KCNH7: variants seen among roughly 807,000 people sequenced by gnomAD.
KCNH7 encodes potassium voltage-gated channel subfamily H member 7.
A neutral mutation model predicts 120.8 loss-of-function variants in KCNH7; 49 were observed. The ratio of observed to expected loss-of-function variants is 0.41; its 90% CI spans 0.32 to 0.51. The LOEUF (loss-of-function observed/expected upper bound fraction) is 0.51. KCNH7 is among the 20% of genes least tolerant of loss of function. The probability of loss-of-function intolerance (pLI) is 0.38; values close to 1 mark genes in which losing one functional copy is unlikely to be tolerated. For synonymous variants in KCNH7, 547 were observed against 516.1 expected, an observed-to-expected ratio of 1.06 and a Z score of -0.81; for missense variants, 1,097 against 1,446.6, an observed-to-expected ratio of 0.76 and a Z score of 3.92.
intron 8 of KCNH7, among the ~76,000 whole-genome samples, chr2:162,431,104 C>T (rs927863339): frequency 2.6e-5 from 4 of 151,980 alleles, no homozygotes; most frequent in African/African-American, 9.7e-5. Context: ...ATATAACAAT[C>T]TATATGCATT....
At chr2:162,449,880 A>T (rs1276516625) in intron 6 of KCNH7, among the ~76,000 whole-genome samples, 1 of 152,242 alleles carries the variant, frequency 6.6e-6, no homozygotes, top group Non-Finnish European at 1.5e-5. Flanking sequence ...AAATGAAAAC[A>T]CTTGAAAATA....
At chr2:162,581,398 A>C (rs189686681) in intron 2 of KCNH7, among the ~76,000 whole-genome samples, 167 of 152,226 alleles carry the variant, frequency 1.1e-3, no homozygotes, top group African/African-American at 3.6e-3. Context: ...TGAATGGCTA[A>C]ACAATACAAC....
At chr2:162,717,654 T>A (rs1687175515) in intron 2 of KCNH7, among the ~76,000 whole-genome samples, 1 of 152,098 alleles carries the variant, frequency 6.6e-6, no homozygotes, top group Non-Finnish European at 1.5e-5. Flanking sequence ...TTCTTTTGCT[T>A]AATTTTTCCC....
intron 1 of KCNH7, 125 bp downstream of exon 1, chr2:162,838,318 G>T (rs1685732798): frequency 1.4e-6 from 1 of 703,736 alleles, no homozygotes; most frequent in African/African-American, 1.8e-5. Flanking sequence ...CTCCTGGCTC[G>T]GTTTCACAGC....
chr2:162,635,799 T>C (rs1288603237), intron 2 of KCNH7, among the ~76,000 whole-genome samples: 1 of 152,096 alleles, frequency 6.6e-6, no homozygotes, highest in Non-Finnish European at 1.5e-5. Context: ...TTTTAACTTA[T>C]GAGAAGCTGC....
intron 2 of KCNH7, among the ~76,000 whole-genome samples, chr2:162,733,746 A>G (rs924883810): frequency 6.6e-6 from 1 of 152,230 alleles, no homozygotes; most frequent in African/African-American, 2.4e-5. Flanking sequence ...CTGCCTAAAA[A>G]GAAGGAGCAT....
In KCNH7 at chr2:162,517,855, G is replaced by A. The variant is rs955753302; in HGVS notation, c.767C>T (p.Ser256Phe). The A allele has an allele frequency of 6.2e-7, 1 of 1,612,262 alleles. No individual in the cohort carries two copies. Among genetic ancestry groups the A allele is most frequent in the African/African-American group, 1.3e-5 (1 of 74,736 alleles). ...RLYPDMLQSSSQLSHSRSRES... is the reference protein window; with the variant it reads ...RLYPDMLQSSFQLSHSRSRES... ...CCTTGATCTGGAATGGGACAGCTGG[G>A]AACTTGACTGCAGCATGTCAGGGTA... The change falls in exon 4 of 16, where the codon TCC becomes TTC. Residue 256 changes from serine (S) to phenylalanine (F), a missense_variant. Ser to Phe is a radical substitution (Grantham distance 155). Transcript: ENST00000332142.
chr2:162,675,462 C>T (rs1235347943), intron 2 of KCNH7, among the ~76,000 whole-genome samples: 1 of 151,456 alleles, frequency 6.6e-6, no homozygotes, highest in Non-Finnish European at 1.5e-5. Flanking sequence ...AAAAAGAAAA[C>T]TAGAAACAAT....
intron 2 of KCNH7, among the ~76,000 whole-genome samples, chr2:162,784,141 G>A (rs76757979): frequency 8.6e-4 from 131 of 152,050 alleles, no homozygotes; most frequent in African/African-American, 3.1e-3. Context: ...CTGTAGAAGA[G>A]CAGTGGAAGT....
intron 2 of KCNH7, among the ~76,000 whole-genome samples, chr2:162,756,243 G>A (rs1688785719): frequency 1.3e-5 from 2 of 152,064 alleles, no homozygotes; most frequent in Admixed American, 1.3e-4. Flanking sequence ...TTTACTTATA[G>A]AAACAACCAA....
chr2:162,779,189 T>C (rs10210829), intron 2 of KCNH7, among the ~76,000 whole-genome samples: 1 of 150,222 alleles, frequency 6.7e-6, no homozygotes, highest in East Asian at 1.9e-4. Context: ...ATTTTTTTTG[T>C]TTTTTTTGTT....
Position 162,541,885 on chromosome 2 carries a change from G to A in KCNH7, c.308-4805C>T, listed in dbSNP as rs17729796. ...GAAAAAAAGGCTGTGGTGTGTTGCA[G>A]GCTAAGAGAAGAGGTATTTCAAAAG... On this transcript the variant is annotated intron_variant, in intron 2 of 15. Transcript: ENST00000332142. 4.6e-3 allele frequency among the ~76,000 whole-genome samples: 706 copies of A among 152,214 alleles called. 3 individuals carry two copies. Among genetic ancestry groups the A allele is most frequent in the Non-Finnish European group, 7.6e-3 (519 of 67,996 alleles).
intron 2 of KCNH7, among the ~76,000 whole-genome samples, chr2:162,769,343 C>A (rs1461799161): frequency 6.6e-6 from 1 of 152,164 alleles, no homozygotes; most frequent in Non-Finnish European, 1.5e-5. Flanking sequence ...GCCCACTTAT[C>A]CCTGTATACC....
intron 2 of KCNH7, among the ~76,000 whole-genome samples, chr2:162,752,170 A>G (rs543596179): frequency 1.3e-5 from 2 of 152,266 alleles, no homozygotes; most frequent in African/African-American, 2.4e-5. Context: ...TACTTTTTCT[A>G]TGTTCAGACA....
intron 2 of KCNH7, among the ~76,000 whole-genome samples, chr2:162,740,795 G>C (rs2105409322): frequency 1.3e-5 from 2 of 152,174 alleles, no homozygotes; most frequent in Middle Eastern, 6.8e-3. Flanking sequence ...CTTTGCTCTA[G>C]TCCCTCAACT....
At chr2:162,537,617 C>T (rs971014759) in intron 2 of KCNH7, among the ~76,000 whole-genome samples, 5 of 152,014 alleles carry the variant, frequency 3.3e-5, no homozygotes, top group Admixed American at 1.3e-4. Context: ...AAATTCACAA[C>T]GTCCAAATTA....
At chr2:162,577,950 C>T (rs567788335) in intron 2 of KCNH7, among the ~76,000 whole-genome samples, 3 of 152,108 alleles carry the variant, frequency 2.0e-5, no homozygotes, top group East Asian at 3.9e-4. Flanking sequence ...GTTGAAGAAA[C>T]GGAGCCTAAG....
chr2:162,754,565 G>C (rs1483568697), intron 2 of KCNH7, among the ~76,000 whole-genome samples: 1 of 152,110 alleles, frequency 6.6e-6, no homozygotes, highest in Non-Finnish European at 1.5e-5. Context: ...ACCAGGGTTG[G>C]ATCTGTACAT....
chr2:162,479,687 GTGT>G (rs1689864047), intron 6 of KCNH7, among the ~76,000 whole-genome samples: 1 of 151,738 alleles, frequency 6.6e-6, no homozygotes, highest in Non-Finnish European at 1.5e-5. Flanking sequence ...GTGTGTGTGT[GTGT>G]GTGTGTGTGT....
Sources: gnomAD v4.1 joint callset for allele counts (sites outside exome capture counted in the v4.1 genomes callset) on GRCh38, gnomAD v4.1.1 for gene constraint, MANE v1.5 for transcripts, NCBI Gene and HGNC (gene_info 2026-07-23, HGNC 2026-07-21) for gene names.